MRPS6: variants seen among roughly 807,000 people sequenced by gnomAD.
MRPS6 encodes the protein mitochondrial ribosomal protein S6.
Under a neutral mutation model 13.1 loss-of-function variants are expected in MRPS6, and 6 were observed. That is an observed-to-expected ratio of 0.46 (90% CI 0.25 to 0.91). MRPS6 has a LOEUF of 0.91. MRPS6 is among the 40% of genes least tolerant of loss of function. The pLI, the probability that MRPS6 is intolerant of heterozygous loss-of-function variation, is 0.18. For missense variants in MRPS6, 164 were observed against 155.6 expected, an observed-to-expected ratio of 1.05 and a Z score of -0.29; for synonymous variants, 61 against 56.5, an observed-to-expected ratio of 1.08 and a Z score of -0.36.
Position 34,103,489 on chromosome 21 carries a change from C to T in MRPS6, c.46-21852C>T, listed in dbSNP as rs1228758863. 4.0e-6 allele frequency: 4 copies of T among 998,648 alleles called. No homozygotes were observed. The African/African-American group carries it at 5.3e-5, about 13-fold the overall frequency. The allele number at this position is 998,648 out of a possible 1,614,324, so 61.9% of individuals were successfully genotyped here. On this transcript the variant is annotated intron_variant, in intron 1 of 2. Coordinates refer to ENST00000399312, the MANE Select transcript of MRPS6 (RefSeq NM_032476.4). ...TGTGATCTTAATTTTGTTGTGTTTC[C>T]ATTGTAGGTTGATAGGTATATCGAG... is the stretch of plus-strand genomic sequence containing the variant.
rs1205272081 is a variant in MRPS6, at chr21:34,101,672, G to A, written c.46-23669G>A. On this transcript the variant is annotated intron_variant, in intron 1 of 2. Coordinates refer to ENST00000399312, the MANE Select transcript of MRPS6 (RefSeq NM_032476.4). Reference sequence around the variant, plus strand: ...GCTTAGTTCACTTTAAGGCATATTGGCATGGTGTGTGAAAGTGATGTTTTG... The same window carrying A: ...GCTTAGTTCACTTTAAGGCATATTGACATGGTGTGTGAAAGTGATGTTTTG... 17 of 999,834 alleles carry A rather than the reference G, an allele frequency of 1.7e-5. No homozygotes were observed. The South Asian group carries it at 6.1e-4, about 36-fold the overall frequency. 61.9% of individuals were successfully genotyped at this position (999,834 alleles called of 1,614,324 possible).
intron 1 of MRPS6, among the ~76,000 whole-genome samples, chr21:34,121,622 A>T (rs1263197415): frequency 6.6e-6 from 1 of 152,096 alleles, no homozygotes; most frequent in Non-Finnish European, 1.5e-5. Flanking sequence ...GGGGTGAGAG[A>T]AGCCTCTCAG....
intron 1 of MRPS6, among the ~76,000 whole-genome samples, chr21:34,074,329 TAAAA>T (rs991387476): frequency 1.3e-5 from 2 of 151,744 alleles, no homozygotes; most frequent in Admixed American, 6.6e-5. Context: ...GCTCTCATGT[TAAAA>T]AAAAATCTTT....
intron 2 of MRPS6, among the ~76,000 whole-genome samples, chr21:34,141,492 G>A (rs1446725390): frequency 2.0e-5 from 3 of 152,144 alleles, no homozygotes; most frequent in Admixed American, 1.3e-4. Flanking sequence ...AAGGACCAGC[G>A]AGTACAAAGG....
In MRPS6 at chr21:34,112,426, C is replaced by G. The variant is rs201287305; in HGVS notation, c.46-12915C>G. 4.6e-5 allele frequency among the ~76,000 whole-genome samples: 7 copies of G among 152,072 alleles called. No individual in the cohort carries two copies. In the East Asian group the frequency reaches 7.7e-4, roughly 17 times the overall value. ...TTTATAGAAAGTAGCTGGATCTTTTCAAAAAAACAGTTTGAGATAAATTTC... is the reference window on the plus strand; with the variant it reads ...TTTATAGAAAGTAGCTGGATCTTTTGAAAAAAACAGTTTGAGATAAATTTC... On this transcript the variant is annotated intron_variant, in intron 1 of 2. Transcript: ENST00000399312.
chr21:34,091,269 CCT>C (rs2069409499), intron 1 of MRPS6, among the ~76,000 whole-genome samples: 1 of 118,358 alleles, frequency 8.4e-6, no homozygotes, highest in Admixed American at 8.6e-5. Context: ...CAGGCCCCGC[CCT>C]GTGTCATTGA....
Position 34,142,606 on chromosome 21 carries a change from T to G in MRPS6, c.*6T>G. The G allele has an allele frequency of 6.3e-7, 1 of 1,592,614 alleles. No individual in the cohort carries two copies. The highest frequency in any genetic ancestry group is 8.5e-7 in the Non-Finnish European group (1 of 1,171,882). On this transcript the variant is annotated 3_prime_UTR_variant, in exon 3 of 3. Transcript: ENST00000399312. ...CAAAGAAGAGGAAGAAGTGAGAAGA[T>G]TCGCCAGATTTTAGCCTTATATGTA... is the stretch of plus-strand genomic sequence containing the variant.
intron 2 of MRPS6, among the ~76,000 whole-genome samples, chr21:34,136,339 G>A (rs981946161): frequency 7.9e-5 from 12 of 151,938 alleles, no homozygotes; most frequent in African/African-American, 2.2e-4. Context: ...GTAGAGGTAG[G>A]GTTTCACCAT....
intron 2 of MRPS6, among the ~76,000 whole-genome samples, chr21:34,139,001 G>A (rs1015481501): frequency 1.5e-4 from 23 of 151,046 alleles, no homozygotes; most frequent in African/African-American, 5.7e-4. Context: ...GGAATACTAT[G>A]CAGCCATAAA....
intron 1 of MRPS6, among the ~76,000 whole-genome samples, chr21:34,087,593 G>A (rs769329780): frequency 2.6e-4 from 40 of 152,226 alleles, no homozygotes; most frequent in Non-Finnish European, 5.1e-4. Context: ...CATTGAGATG[G>A]TCAGGGAAGT....
chr21:34,107,732 C>T (rs943054405), intron 1 of MRPS6, among the ~76,000 whole-genome samples: 4 of 152,154 alleles, frequency 2.6e-5, no homozygotes, highest in African/African-American at 7.2e-5. Flanking sequence ...TCATTACTGT[C>T]ATTATTTTGC....
rs756951955 is a variant in MRPS6, at chr21:34,127,098, G to A, written c.185+1618G>A. On this transcript the variant is annotated intron_variant, in intron 2 of 2. Coordinates refer to ENST00000399312, the MANE Select transcript of MRPS6 (RefSeq NM_032476.4). Reference sequence around the variant, plus strand: ...CTGGCAAAGGTGCATGTGCCTCGCTGAGGAATATGTTGCAGTCACTTAGTT... The same window carrying A: ...CTGGCAAAGGTGCATGTGCCTCGCTAAGGAATATGTTGCAGTCACTTAGTT... Among the ~76,000 whole-genome samples, 5 of 152,292 alleles carry A rather than the reference G, an allele frequency of 3.3e-5. No individual in the cohort carries two copies. The South Asian group carries it at 1.0e-3, about 32-fold the overall frequency.
chr21:34,097,196 T>C, intron 1 of MRPS6: 1 of 1,614,084 alleles, frequency 6.2e-7, no homozygotes, highest in Non-Finnish European at 8.5e-7. Context: ...GCTTTAAAAG[T>C]AAGAGCCTCA....
chr21:34,097,465 C>A, intron 1 of MRPS6: 1 of 1,451,836 alleles, frequency 6.9e-7, no homozygotes, highest in Non-Finnish European at 9.1e-7. Flanking sequence ...TAGGTTTTAG[C>A]CAAATTTTAC....
At chr21:34,115,914 A>G (rs1306397691) in intron 1 of MRPS6, among the ~76,000 whole-genome samples, 1 of 150,014 alleles carries the variant, frequency 6.7e-6, no homozygotes, top group African/African-American at 2.4e-5. Context: ...GTTTGTCTAC[A>G]TAGTCCTTTT....
intron 1 of MRPS6, chr21:34,097,829 G>A (rs776401432): frequency 2.0e-6 from 2 of 997,952 alleles, no homozygotes; most frequent in South Asian, 4.7e-5. Context: ...ACTGAAAATC[G>A]AATGTGCTTG....
chr21:34,127,742 G>A (rs911605550), intron 2 of MRPS6, among the ~76,000 whole-genome samples: 1 of 152,192 alleles, frequency 6.6e-6, no homozygotes, highest in Non-Finnish European at 1.5e-5. Flanking sequence ...GCAGTACCAG[G>A]TATTTTGTTC....
intron 1 of MRPS6, among the ~76,000 whole-genome samples, chr21:34,087,515 G>A (rs1308024093): frequency 6.6e-6 from 1 of 152,214 alleles, no homozygotes; most frequent in African/African-American, 2.4e-5. Context: ...GGAGACAGAA[G>A]AAACGTTTAA....
intron 1 of MRPS6, among the ~76,000 whole-genome samples, chr21:34,115,880 A>T (rs1280707534): frequency 6.6e-6 from 1 of 151,764 alleles, no homozygotes; most frequent in Admixed American, 6.6e-5. Flanking sequence ...AATACCTTGC[A>T]TAGTCATCCG....
Sources: allele counts gnomAD v4.1 joint callset (sites outside exome capture counted in the v4.1 genomes callset), GRCh38; gene constraint gnomAD v4.1.1; transcripts MANE v1.5; gene names NCBI Gene and HGNC (gene_info 2026-07-23, HGNC 2026-07-21).